The following CADM2 variants were observed in gnomAD, a reference collection of about 807,000 sequenced individuals.
CADM2 encodes the protein cell adhesion molecule 2, also known as immunoglobulin superfamily member 4D.
CADM2 carries 12 observed loss-of-function variants against 49.8 expected under a neutral mutation model. The ratio of observed to expected loss-of-function variants is 0.24; its 90% confidence interval spans 0.15 to 0.39. The LOEUF is 0.39. Ranked by LOEUF, CADM2 falls within the 10% of genes least tolerant of loss-of-function variation. The pLI is 1.00. For synonymous variants in CADM2, 214 were observed against 175.4 expected (o/e 1.22, Z -1.74); for missense variants, 378 against 492.3 (o/e 0.77, Z 2.20).
At chr3:85,227,452 C>CTTT (rs143104896) in intron 1 of CADM2, among the ~76,000 whole-genome samples, 6 of 120,840 alleles carry the variant, frequency 5.0e-5, no homozygotes, top group Admixed American at 8.5e-5. Flanking sequence ...GCAACCCCTG[C>CTTT]TTTTTTTTTT....
chr3:85,284,458 A>T (rs1324369596), intron 1 of CADM2, among the ~76,000 whole-genome samples: 1 of 152,076 alleles, frequency 6.6e-6, no homozygotes, highest in Non-Finnish European at 1.5e-5. Context: ...AAATATCAGG[A>T]TGGAAGTGTA....
chr3:85,583,241 T>C (rs2062846865), intron 1 of CADM2, among the ~76,000 whole-genome samples: 1 of 152,120 alleles, frequency 6.6e-6, no homozygotes, highest in Non-Finnish European at 1.5e-5. Context: ...CTCTGTTGAA[T>C]TGATGATGGC....
At chr3:85,367,574 T>C in intron 1 of CADM2, among the ~76,000 whole-genome samples, 1 of 151,860 alleles carries the variant, frequency 6.6e-6, no homozygotes, top group South Asian at 2.1e-4. Context: ...CATTAAATAT[T>C]TACTTAATGG....
At chr3:85,784,012 A>G (rs1371170617) in intron 2 of CADM2, among the ~76,000 whole-genome samples, 3 of 152,172 alleles carry the variant, frequency 2.0e-5, no homozygotes, top group African/African-American at 7.2e-5. Flanking sequence ...ATTGTTACTA[A>G]ATATAACTAT....
intron 1 of CADM2, among the ~76,000 whole-genome samples, chr3:85,423,082 G>T (rs2036248183): frequency 6.6e-6 from 1 of 152,118 alleles, no homozygotes; most frequent in Admixed American, 6.5e-5. Flanking sequence ...GGGAATTGGA[G>T]AGGGGATGGA....
intron 2 of CADM2, chr3:85,799,966 C>A (rs1218204773): frequency 6.6e-6 from 1 of 152,288 alleles, no homozygotes; most frequent in Non-Finnish European, 1.5e-5. Flanking sequence ...ACATTTAAGT[C>A]TGTTGAAGCT....
intron 1 of CADM2, among the ~76,000 whole-genome samples, chr3:85,354,875 A>G (rs1388082826): frequency 2.0e-5 from 3 of 152,166 alleles, no homozygotes; most frequent in East Asian, 3.9e-4. Flanking sequence ...CCAAATATAC[A>G]TATTTACTGT....
chr3:85,083,076 A>C (rs1007732232), intron 1 of CADM2, among the ~76,000 whole-genome samples: 19 of 152,132 alleles, frequency 1.2e-4, no homozygotes, highest in Non-Finnish European at 2.6e-4. Flanking sequence ...TATGTGTACT[A>C]TACCATATAC....
chr3:85,043,679 AAAAT>A (rs1021118920), intron 1 of CADM2, among the ~76,000 whole-genome samples: 2 of 152,134 alleles, frequency 1.3e-5, no homozygotes, highest in Admixed American at 6.5e-5. Flanking sequence ...AGCTTGTCTC[AAAAT>A]AAATAAATAA....
chr3:85,724,546 T>C (rs1351142846), intron 1 of CADM2, among the ~76,000 whole-genome samples: 2 of 151,938 alleles, frequency 1.3e-5, no homozygotes, highest in African/African-American at 4.8e-5. Context: ...CCATACTTCA[T>C]ATAAACTACA....
At chr3:85,001,509 A>T (rs1576007690) in intron 1 of CADM2, among the ~76,000 whole-genome samples, 1 of 152,058 alleles carries the variant, frequency 6.6e-6, no homozygotes, top group African/African-American at 2.4e-5. Context: ...AATCTTTTTT[A>T]AAAAATAATA....
chr3:85,731,665 A>G (rs935938039), intron 2 of CADM2, among the ~76,000 whole-genome samples: 3 of 152,152 alleles, frequency 2.0e-5, no homozygotes, highest in African/African-American at 7.2e-5. Flanking sequence ...TTATAAGACT[A>G]AAATAAACAC....
At chr3:85,003,563 CA>C (rs1156917166) in intron 1 of CADM2, among the ~76,000 whole-genome samples, 3 of 152,026 alleles carry the variant, frequency 2.0e-5, no homozygotes, top group Non-Finnish European at 2.9e-5. Flanking sequence ...AAGAGTTAGC[CA>C]GTTTTATTAT....
intron 1 of CADM2, among the ~76,000 whole-genome samples, chr3:85,572,039 G>A (rs1576835485): frequency 6.6e-6 from 1 of 152,200 alleles, no homozygotes; most frequent in Non-Finnish European, 1.5e-5. Flanking sequence ...ACTCATGCCT[G>A]TAATCCTAGC....
intron 1 of CADM2, among the ~76,000 whole-genome samples, chr3:85,099,609 A>G (rs1319347544): frequency 6.6e-6 from 1 of 151,776 alleles, no homozygotes; most frequent in African/African-American, 2.4e-5. Flanking sequence ...AGGTGGGATT[A>G]TATGCATGTG....
intron 1 of CADM2, among the ~76,000 whole-genome samples, chr3:85,359,893 A>G (rs1050518454): frequency 4.6e-5 from 7 of 151,166 alleles, no homozygotes; most frequent in African/African-American, 1.7e-4. Flanking sequence ...AAACATAAAT[A>G]GTATTCTATC....
chr3:85,755,184 T>C (rs1559634711), intron 2 of CADM2, among the ~76,000 whole-genome samples: 1 of 152,158 alleles, frequency 6.6e-6, no homozygotes, highest in Non-Finnish European at 1.5e-5. Flanking sequence ...TATCCTCAAG[T>C]TACCCATACT....
At chr3:85,473,083 T>C (rs2038835920) in intron 1 of CADM2, among the ~76,000 whole-genome samples, 1 of 152,056 alleles carries the variant, frequency 6.6e-6, no homozygotes. Context: ...AGAAGTTAAC[T>C]TCATTACCTA....
chr3:86,054,067 G>A (rs1737640064), intron 8 of CADM2, among the ~76,000 whole-genome samples: 1 of 151,858 alleles, frequency 6.6e-6, no homozygotes, highest in South Asian at 2.1e-4. Context: ...AGATGGGAGT[G>A]ATTGAGTTAC....
Sources: gnomAD v4.1 joint callset for allele counts (sites outside exome capture counted in the v4.1 genomes callset) on GRCh38, gnomAD v4.1.1 for gene constraint, MANE v1.5 for transcripts, NCBI Gene and HGNC (gene_info 2026-07-23, HGNC 2026-07-21) for gene names.